Variants in AGXT2 observed in about 807,000 individuals in gnomAD.
The protein encoded by AGXT2 is alanine--glyoxylate aminotransferase 2, mitochondrial.
In AGXT2, 61 loss-of-function variants were observed where a neutral mutation model predicts 62.5. The ratio of observed to expected loss-of-function variants is 0.98; its 90% CI spans 0.79 to 1.21. The LOEUF (loss-of-function observed/expected upper bound fraction) is 1.21, where lower values mean the gene tolerates loss of function less well. Among genes scored for constraint, AGXT2 ranks in the 50% most tolerant of loss-of-function variants. AGXT2 has a pLI of 0.00. For synonymous variants in AGXT2, 243 were observed against 218.7 expected (o/e 1.11, Z -0.98); for missense variants, 666 against 641.5 (o/e 1.04, Z -0.41).
chr5:35,018,127 G>A (rs1332827601), intron 9 of AGXT2, among the ~76,000 whole-genome samples: 1 of 152,178 alleles, frequency 6.6e-6, no homozygotes, highest in Non-Finnish European at 1.5e-5. Context: ...AGGGAGAATG[G>A]AACCAAGTTG....
intron 9 of AGXT2, among the ~76,000 whole-genome samples, chr5:35,023,758 C>CACCAGGGACATCCAATACAT (rs1479170551): frequency 6.6e-6 from 1 of 152,234 alleles, no homozygotes; most frequent in Non-Finnish European, 1.5e-5. Flanking sequence ...GCCTGTGGTA[C>CACCAGGGACATCCAATACAT]ACCAGGGACA....
intron 1 of AGXT2, among the ~76,000 whole-genome samples, chr5:35,047,298 C>T (rs1424985250): frequency 6.6e-6 from 1 of 152,114 alleles, no homozygotes; most frequent in African/African-American, 2.4e-5. Context: ...AGAAAAATAG[C>T]TAGGCATGGT....
At chr5:35,014,716 C>G (rs1202644824) in intron 9 of AGXT2, among the ~76,000 whole-genome samples, 1 of 152,142 alleles carries the variant, frequency 6.6e-6, no homozygotes, top group Admixed American at 6.5e-5. Flanking sequence ...GTCACAGGCT[C>G]CATGAGGGTC....
intron 8 of AGXT2, chr5:35,026,149 A>G: frequency 1.7e-6 from 1 of 594,602 alleles, no homozygotes. Context: ...GTTATTAAGC[A>G]GCTAAAAATG....
chr5:35,005,100 A>G (rs1023834008), intron 12 of AGXT2, among the ~76,000 whole-genome samples: 1 of 152,216 alleles, frequency 6.6e-6, no homozygotes, highest in Non-Finnish European at 1.5e-5. Flanking sequence ...GGAAAGAGAC[A>G]ATGAAAATAA....
chr5:35,039,868 G>T (rs1405964970), intron 2 of AGXT2, among the ~76,000 whole-genome samples: 1 of 152,176 alleles, frequency 6.6e-6, no homozygotes, highest in Non-Finnish European at 1.5e-5. Flanking sequence ...TTTTGTTGTG[G>T]TAGTGTTTTA....
Position 35,026,488 on chromosome 5 carries a change from C to G in AGXT2, c.792G>C (p.Gln264His). The change falls in exon 8 of 14, where the codon CAG becomes CAC. Residue 264 changes from glutamine (Q) to histidine (H), a missense_variant. Gln to His is a conservative substitution (Grantham distance 24, BLOSUM62 0). Transcript: ENST00000231420. ...GCGTATCTTTGAATTGCTCAATATA[C>G]TGATCTTTAGCTTGGCAGCAGTCTG... The part of the protein sequence containing the change: ...CAPDCCQAKD[Q>H]YIEQFKDTLS... 6.2e-7 allele frequency: 1 copy of G among 1,613,856 alleles called. No individual in the cohort carries two copies. The highest frequency in any genetic ancestry group is 8.5e-7 in the Non-Finnish European group (1 of 1,179,914).
chr5:35,000,708 T>G (rs1269418212), intron 13 of AGXT2, among the ~76,000 whole-genome samples: 2 of 152,210 alleles, frequency 1.3e-5, no homozygotes, highest in Non-Finnish European at 2.9e-5. Context: ...GTCAGTGTTG[T>G]GCAGGTTTCT....
At chr5:35,011,612 T>A (rs1374401130) in intron 11 of AGXT2, among the ~76,000 whole-genome samples, 1 of 152,078 alleles carries the variant, frequency 6.6e-6, no homozygotes, top group Non-Finnish European at 1.5e-5. Context: ...TTATTTAAAA[T>A]TTTTTTGGAA....
At chr5:35,028,045 C>G (rs577722025) in intron 7 of AGXT2, among the ~76,000 whole-genome samples, 2 of 151,806 alleles carry the variant, frequency 1.3e-5, no homozygotes, top group African/African-American at 4.8e-5. Context: ...CTATAAGATC[C>G]CTTACTTTGG....
intron 13 of AGXT2, among the ~76,000 whole-genome samples, chr5:35,001,286 C>T (rs1383502848): frequency 6.6e-6 from 1 of 152,186 alleles, no homozygotes; most frequent in African/African-American, 2.4e-5. Flanking sequence ...AGAGCTTCTT[C>T]CTCGACTCTC....
intron 12 of AGXT2, among the ~76,000 whole-genome samples, chr5:35,008,587 C>T (rs6893268): frequency 0.1 from 15,272 of 152,186 alleles, 873 homozygotes; most frequent in South Asian, 0.16. Flanking sequence ...ATGTTGGGGT[C>T]AAAACAAATA....
At chr5:35,026,907 T>G (rs575142412) in intron 7 of AGXT2, 1 of 985,204 alleles carries the variant, frequency 1.0e-6, no homozygotes, top group South Asian at 4.7e-5. Context: ...AAAATAACTC[T>G]ATTTACCTTT....
intron 9 of AGXT2, among the ~76,000 whole-genome samples, chr5:35,022,165 G>A (rs990352461): frequency 2.2e-4 from 34 of 152,178 alleles, no homozygotes; most frequent in African/African-American, 7.0e-4. Context: ...AGTCAGTGTG[G>A]TGATTCCTCA....
At chr5:35,036,507 T>G (rs1767773253) in intron 4 of AGXT2, among the ~76,000 whole-genome samples, 3 of 152,210 alleles carry the variant, frequency 2.0e-5, no homozygotes, top group Admixed American at 6.5e-5. Context: ...CAAATGGCAC[T>G]TATTAAAAAT....
intron 1 of AGXT2, among the ~76,000 whole-genome samples, chr5:35,041,180 T>A (rs1238748600): frequency 2.5e-5 from 2 of 81,560 alleles, no homozygotes; most frequent in Admixed American, 3.8e-4. Flanking sequence ...ACTAGACTAA[T>A]AAATACATGC....
At chr5:35,046,315 C>T (rs1354828898) in intron 1 of AGXT2, among the ~76,000 whole-genome samples, 1 of 152,178 alleles carries the variant, frequency 6.6e-6, no homozygotes, top group Non-Finnish European at 1.5e-5. Context: ...CCTCACTGAG[C>T]ATAAGACTGG....
chr5:35,017,983 G>GAA (rs1231098034), intron 9 of AGXT2, among the ~76,000 whole-genome samples: 1 of 152,102 alleles, frequency 6.6e-6, no homozygotes, highest in Non-Finnish European at 1.5e-5. Context: ...GCGATGGAAG[G>GAA]TGAAATGAAT....
At chr5:35,017,486 C>T (rs1357109137) in intron 9 of AGXT2, among the ~76,000 whole-genome samples, 1 of 152,162 alleles carries the variant, frequency 6.6e-6, no homozygotes, top group African/African-American at 2.4e-5. Flanking sequence ...ATAAGTCTCA[C>T]AAGATCTGAT....
Sources: gnomAD v4.1 joint callset for allele counts (sites outside exome capture counted in the v4.1 genomes callset) on GRCh38, gnomAD v4.1.1 for gene constraint, MANE v1.5 for transcripts, NCBI Gene and HGNC (gene_info 2026-07-23, HGNC 2026-07-21) for gene names.